Variants in TIA1 observed in about 807,000 individuals in gnomAD.
TIA1 encodes the protein TIA1 cytotoxic granule associated RNA binding protein.
A neutral mutation model predicts 65.9 loss-of-function variants in TIA1; 23 were observed. The observed-to-expected ratio is 0.35, with a 90% CI of 0.25 to 0.49. The LOEUF is 0.49. Ranked by LOEUF, TIA1 falls within the 20% of genes least tolerant of loss-of-function variation. TIA1 has a pLI of 0.98. For missense variants in TIA1, 371 were observed against 477.9 expected (o/e 0.78, Z 2.09); for synonymous variants, 147 against 149.4 (o/e 0.98, Z 0.12).
chr2:70,215,247 A>G, intron 11 of TIA1, 124 bp downstream of exon 11: 1 of 1,228,680 alleles, frequency 8.1e-7, no homozygotes, highest in Non-Finnish European at 1.2e-6. Context: ...TAATACATGT[A>G]GGAAGAGCCC....
chr2:70,240,872 C>T (rs891230593), intron 1 of TIA1, among the ~76,000 whole-genome samples: 1 of 151,604 alleles, frequency 6.6e-6, no homozygotes, highest in Non-Finnish European at 1.5e-5. Flanking sequence ...ACACTGCCCT[C>T]CCTGCCCCCC....
chr2:70,234,685 C>T (rs1050928754), intron 2 of TIA1, among the ~76,000 whole-genome samples: 1 of 152,068 alleles, frequency 6.6e-6, no homozygotes, highest in Non-Finnish European at 1.5e-5. Context: ...CCTTAGCCTC[C>T]TGAGTAGCTG....
intron 7 of TIA1, among the ~76,000 whole-genome samples, chr2:70,220,444 G>A (rs1227173854): frequency 6.6e-6 from 1 of 152,026 alleles, no homozygotes; most frequent in African/African-American, 2.4e-5. Flanking sequence ...GATACACAAA[G>A]AGAGAAGATG....
rs946919159 is a variant in TIA1 at position 70,210,422 on chromosome 2, G to C, written c.*2297C>G. 6.6e-6 allele frequency: 1 copy of C among 152,182 alleles called. No homozygotes were observed. The highest frequency in any genetic ancestry group is 1.5e-5 in the Non-Finnish European group (1 of 68,018). The allele number at this position is 152,182 out of a possible 1,614,324, so 9.4% of individuals were successfully genotyped here. A position where few individuals can be genotyped will look rare whatever the true frequency, so the allele number is the denominator to read the frequency against. On this transcript the variant is annotated 3_prime_UTR_variant, in exon 13 of 13. Transcript: ENST00000433529. ...TTTTAGACGGAAAAACTAAGAGTAA[G>C]ATTTAAACCAAAGATAGAGGTGTTC...
At chr2:70,232,297 T>C (rs1573571192) in intron 2 of TIA1, among the ~76,000 whole-genome samples, 1 of 151,328 alleles carries the variant, frequency 6.6e-6, no homozygotes, top group East Asian at 1.9e-4. Flanking sequence ...TCCCAGCACT[T>C]TGGGAGGCCA....
At chr2:70,246,034 C>G (rs980276152) in intron 1 of TIA1, among the ~76,000 whole-genome samples, 1 of 151,422 alleles carries the variant, frequency 6.6e-6, no homozygotes, top group Non-Finnish European at 1.5e-5. Flanking sequence ...AGCGATTCTC[C>G]TTCCTCAGCC....
chr2:70,234,943 C>T (rs560770053), intron 2 of TIA1, among the ~76,000 whole-genome samples: 2 of 152,196 alleles, frequency 1.3e-5, no homozygotes, highest in East Asian at 3.9e-4. Flanking sequence ...CACATACACA[C>T]ATACATGATT....
chr2:70,238,764 G>C (rs1690311710), intron 1 of TIA1, among the ~76,000 whole-genome samples: 2 of 151,942 alleles, frequency 1.3e-5, no homozygotes, highest in Non-Finnish European at 2.9e-5. Context: ...CATTTAAAGG[G>C]TTTAGATTAG....
In TIA1 at chr2:70,209,652, G is replaced by C; in HGVS notation, c.*3067C>G. 2.5e-6 allele frequency: 1 copy of C among 398,318 alleles called. No homozygotes were observed. Among genetic ancestry groups the C allele is most frequent in the Non-Finnish European group, 4.4e-6 (1 of 225,938 alleles). The allele number at this position is 398,318 out of a possible 1,614,324, so 24.7% of individuals were successfully genotyped here. On this transcript the variant is annotated 3_prime_UTR_variant, in exon 13 of 13. Transcript: ENST00000433529. The stretch of plus-strand genomic sequence containing the variant: ...GGAAGAATGAATTGAGTTCCTTCTA[G>C]GAGTTGTTTATCCCTGCTCATGCTT...
chr2:70,213,345 CTTTT>C (rs746531756), intron 12 of TIA1, among the ~76,000 whole-genome samples: 51 of 137,292 alleles, frequency 3.7e-4, no homozygotes, highest in African/African-American at 1.2e-3. Flanking sequence ...CTTTTCTTTT[CTTTT>C]TTTTTTTTTT....
chr2:70,243,908 A>T (rs1189772824), intron 1 of TIA1, among the ~76,000 whole-genome samples: 1 of 152,182 alleles, frequency 6.6e-6, no homozygotes, highest in Non-Finnish European at 1.5e-5. Context: ...TGGCTTCCTG[A>T]CTAGGCTACT....
intron 7 of TIA1, among the ~76,000 whole-genome samples, chr2:70,221,076 A>G (rs1322876787): frequency 1.3e-5 from 2 of 152,054 alleles, no homozygotes; most frequent in African/African-American, 4.8e-5. Flanking sequence ...GCATAATCTC[A>G]GCTCACTGCA....
intron 1 of TIA1, among the ~76,000 whole-genome samples, chr2:70,243,237 G>A (rs896913397): frequency 6.6e-6 from 1 of 152,130 alleles, no homozygotes; most frequent in African/African-American, 2.4e-5. Context: ...ACCAGCCTGG[G>A]CAACACAGTG....
At chr2:70,214,643 A>ACC (rs1429413984) in intron 11 of TIA1, 149 bp from the exon 12 acceptor site, 3 of 493,630 alleles carry the variant, frequency 6.1e-6, no homozygotes, top group Non-Finnish European at 6.5e-6. Flanking sequence ...AAAAAAAAAA[A>ACC]AAAAAAAAAA....
intron 2 of TIA1, among the ~76,000 whole-genome samples, chr2:70,235,568 G>GTGTGTA (rs1688511130): frequency 1.3e-5 from 2 of 151,900 alleles, no homozygotes; most frequent in South Asian, 2.1e-4. Flanking sequence ...GTGTGTGTGT[G>GTGTGTA]TGTATGTGTG....
chr2:70,233,396 T>G (rs1687380174), intron 2 of TIA1, among the ~76,000 whole-genome samples: 2 of 152,254 alleles, frequency 1.3e-5, no homozygotes, highest in Non-Finnish European at 2.9e-5. Flanking sequence ...AAATGTTATA[T>G]AACTCAAACT....
chr2:70,248,337 C>T, intron 1 of TIA1, 68 bp downstream of exon 1: 2 of 1,555,904 alleles, frequency 1.3e-6, no homozygotes, highest in Admixed American at 1.8e-5. Flanking sequence ...CTGGGAGCGG[C>T]GCAGGGCCGA....
At chr2:70,222,569 T>G (rs1206050632) in intron 7 of TIA1, among the ~76,000 whole-genome samples, 1 of 152,192 alleles carries the variant, frequency 6.6e-6, no homozygotes, top group Non-Finnish European at 1.5e-5. Flanking sequence ...ATCACAAATT[T>G]TACATAAGTT....
chr2:70,222,770 C>T (rs1341426751), intron 7 of TIA1, among the ~76,000 whole-genome samples: 2 of 152,104 alleles, frequency 1.3e-5, no homozygotes, highest in African/African-American at 4.8e-5. Flanking sequence ...AAAAAATTAG[C>T]CGTGCATGGT....
Sources: allele counts gnomAD v4.1 joint callset (sites outside exome capture counted in the v4.1 genomes callset), GRCh38; gene constraint gnomAD v4.1.1; transcripts MANE v1.5; gene names NCBI Gene and HGNC (gene_info 2026-07-23, HGNC 2026-07-21).